Variants in MYO9A observed in about 807,000 individuals in gnomAD.
MYO9A encodes the protein myosin IXA, also known as unconventional myosin-IXa.
Under a neutral mutation model 293.3 loss-of-function variants are expected in MYO9A, and 103 were observed. The ratio of observed to expected loss-of-function variants is 0.35; its 90% CI spans 0.30 to 0.41. The LOEUF is 0.41. MYO9A is among the 10% of genes least tolerant of loss of function. The probability of loss-of-function intolerance (pLI) is 1.00; values close to 1 mark genes in which losing one functional copy is unlikely to be tolerated. For missense variants in MYO9A, 2,685 were observed against 3,033.0 expected (o/e 0.89, Z 2.69); for synonymous variants, 1,001 against 1,035.7 (o/e 0.97, Z 0.64).
chr15:71,880,238 C>T (rs942542934), intron 29 of MYO9A, 97 bp downstream of exon 29: 1 of 1,019,652 alleles, frequency 9.8e-7, no homozygotes, highest in East Asian at 2.4e-5. Flanking sequence ...AGCATGGAAG[C>T]ATATGTAATT....
intron 3 of MYO9A, among the ~76,000 whole-genome samples, chr15:72,031,424 T>G (rs367998042): frequency 1.4e-3 from 211 of 152,176 alleles, no homozygotes; most frequent in African/African-American, 4.5e-3. Context: ...AGGAAGAGGC[T>G]GTAGTGAGCC....
intron 14 of MYO9A, 50 bp from the exon 15 acceptor site, chr15:71,951,946 A>G (rs1190716988): frequency 6.5e-7 from 1 of 1,540,284 alleles, no homozygotes. Flanking sequence ...AAAGAAAAAG[A>G]CATTATATAA....
At chr15:71,925,519 A>G (rs2058289095) in intron 18 of MYO9A, among the ~76,000 whole-genome samples, 1 of 151,742 alleles carries the variant, frequency 6.6e-6, no homozygotes. Flanking sequence ...TGGAGAGTTA[A>G]GCTTTAATTC....
rs531686580 is a variant in MYO9A, at chr15:71,826,964, C to T, written c.7263G>A (p.Lys2421=). ...CCACGACATCTAAAGAGTCTTGCTG[C>T]TTTTTAAGTTGCTTTCGCAACTTGC... ...PSSKLRKQLK[K]QQDSLDVVDS... is the part of the protein sequence containing the mutation. The change falls in exon 42 of 42, where the codon AAG becomes AAA. Residue 2421 remains lysine (K), a synonymous_variant. Coordinates refer to ENST00000356056, the MANE Select transcript of MYO9A (RefSeq NM_006901.4). 4 of 1,613,716 alleles carry T rather than the reference C, an allele frequency of 2.5e-6. No individual in the cohort carries two copies. In the South Asian group the frequency reaches 3.3e-5, roughly 13 times the overall value.
At position 72,069,461 on chromosome 15, in the gene MYO9A, C is replaced by T. The variant is rs1396032632; in HGVS notation, c.-71-22827G>A. 2.6e-5 allele frequency among the ~76,000 whole-genome samples: 4 copies of T among 151,936 alleles called. No homozygotes were observed. The South Asian group carries it at 6.2e-4, about 24-fold the overall frequency. On this transcript the variant is annotated intron_variant, in intron 1 of 41. Transcript: ENST00000356056. ...AATAAATAATAAAATAATAAAAATTCAAAATGTTTGTTGAATAAATATGTG... is the reference window on the plus strand; with the variant it reads ...AATAAATAATAAAATAATAAAAATTTAAAATGTTTGTTGAATAAATATGTG...
intron 8 of MYO9A, among the ~76,000 whole-genome samples, chr15:72,001,383 G>C (rs1270024195): frequency 6.6e-6 from 1 of 151,750 alleles, no homozygotes; most frequent in African/African-American, 2.4e-5. Context: ...GGGAAATCCT[G>C]TCTTGACCAA....
chr15:71,897,377 CAA>C, intron 25 of MYO9A, 82 bp downstream of exon 25: 1 of 1,396,428 alleles, frequency 7.2e-7, no homozygotes, highest in Admixed American at 2.3e-5. Context: ...CCACTTTACA[CAA>C]ATAGTTGGAG....
intron 13 of MYO9A, among the ~76,000 whole-genome samples, chr15:71,963,706 C>T (rs1012156688): frequency 6.6e-6 from 1 of 152,118 alleles, no homozygotes; most frequent in Non-Finnish European, 1.5e-5. Flanking sequence ...CCTGCCTTGG[C>T]CTCCCAAAGT....
At chr15:72,103,780 T>C (rs932747901) in intron 1 of MYO9A, among the ~76,000 whole-genome samples, 1 of 152,200 alleles carries the variant, frequency 6.6e-6, no homozygotes, top group African/African-American at 2.4e-5. Flanking sequence ...ACTATATTGT[T>C]TAAGGATGTA....
intron 39 of MYO9A, among the ~76,000 whole-genome samples, chr15:71,843,834 A>G (rs1240634569): frequency 6.6e-6 from 1 of 152,162 alleles, no homozygotes; most frequent in African/African-American, 2.4e-5. Flanking sequence ...TTTTATGGCT[A>G]AAAAATAGTA....
At chr15:72,084,072 T>C (rs1296692699) in intron 1 of MYO9A, among the ~76,000 whole-genome samples, 1 of 152,208 alleles carries the variant, frequency 6.6e-6, no homozygotes, top group African/African-American at 2.4e-5. Flanking sequence ...TGATGATCTT[T>C]CTAATACTGT....
intron 7 of MYO9A, among the ~76,000 whole-genome samples, chr15:72,008,451 G>GTGTT (rs1489938267): frequency 6.6e-6 from 1 of 150,448 alleles, no homozygotes; most frequent in East Asian, 2.0e-4. Flanking sequence ...GTGTGTGTGT[G>GTGTT]TGTGTGTGTG....
chr15:72,075,609 G>T (rs61557205), intron 1 of MYO9A, among the ~76,000 whole-genome samples: 63 of 151,886 alleles, frequency 4.1e-4, no homozygotes, highest in African/African-American at 1.4e-3. Context: ...AATTCAGAGA[G>T]GTCAACACAA....
intron 11 of MYO9A, among the ~76,000 whole-genome samples, chr15:71,986,861 T>C (rs140778036): frequency 1.3e-5 from 2 of 152,304 alleles, no homozygotes; most frequent in East Asian, 3.9e-4. Flanking sequence ...AACTTAAGTG[T>C]ACAGTGTTTA....
At chr15:71,837,840 T>G (rs909137835) in intron 39 of MYO9A, among the ~76,000 whole-genome samples, 1 of 152,166 alleles carries the variant, frequency 6.6e-6, no homozygotes, top group Non-Finnish European at 1.5e-5. Flanking sequence ...CCATTGGTTT[T>G]AAAAATGAGT....
intron 1 of MYO9A, among the ~76,000 whole-genome samples, chr15:72,066,414 T>C (rs1596496935): frequency 6.9e-6 from 1 of 145,388 alleles, no homozygotes; most frequent in Non-Finnish European, 1.5e-5. Flanking sequence ...TGAACCCGGG[T>C]GGTGGAGGTT....
At chr15:72,033,870 C>T (rs549545488) in intron 2 of MYO9A, among the ~76,000 whole-genome samples, 90 of 152,250 alleles carry the variant, frequency 5.9e-4, no homozygotes, top group African/African-American at 2.1e-3. Context: ...TCACATTATA[C>T]TTGAAGAAAC....
chr15:71,913,579 ATTAT>A (rs1156418173), intron 19 of MYO9A, among the ~76,000 whole-genome samples: 1 of 151,958 alleles, frequency 6.6e-6, no homozygotes, highest in Non-Finnish European at 1.5e-5. Context: ...TCTGTCTCTG[ATTAT>A]TGATTTTTTT....
intron 1 of MYO9A, 31 bp from the exon 2 acceptor site, chr15:72,046,665 A>G: frequency 7.3e-7 from 1 of 1,370,386 alleles, no homozygotes; most frequent in Non-Finnish European, 9.7e-7. Context: ...AATATTTAGA[A>G]GTAAATACAC....
Sources: gnomAD v4.1 joint callset for allele counts (sites outside exome capture counted in the v4.1 genomes callset) on GRCh38, gnomAD v4.1.1 for gene constraint, MANE v1.5 for transcripts, NCBI Gene and HGNC (gene_info 2026-07-23, HGNC 2026-07-21) for gene names.